QDPR: variants seen among roughly 807,000 people sequenced by gnomAD.
The protein encoded by QDPR is dihydropteridine reductase.
In QDPR, 23 loss-of-function variants were observed where a neutral mutation model predicts 31.7. The observed-to-expected ratio is 0.73, with a 90% CI of 0.52 to 1.03. The LOEUF (loss-of-function observed/expected upper bound fraction) is 1.03. Ranked by LOEUF, QDPR falls within the 50% of genes least tolerant of loss-of-function variation. QDPR has a pLI of 0.00. For synonymous variants in QDPR, 124 were observed against 124.7 expected, an observed-to-expected ratio of 0.99 and a Z score of 0.03; for missense variants, 324 against 323.8, an observed-to-expected ratio of 1.00 and a Z score of 0.00.
intron 3 of QDPR, among the ~76,000 whole-genome samples, chr4:17,502,535 A>C (rs1718608192): frequency 1.3e-5 from 2 of 152,284 alleles, no homozygotes; most frequent in Non-Finnish European, 2.9e-5. Flanking sequence ...TTCCCCACTA[A>C]AAAAGACTAG....
intron 4 of QDPR, among the ~76,000 whole-genome samples, chr4:17,494,682 A>G (rs1718289839): frequency 6.6e-6 from 1 of 152,158 alleles, no homozygotes; most frequent in South Asian, 2.1e-4. Context: ...AATCCTGGCC[A>G]TTATTGTCAT....
At chr4:17,491,505 G>A (rs994916307) in intron 5 of QDPR, among the ~76,000 whole-genome samples, 2 of 152,182 alleles carry the variant, frequency 1.3e-5, no homozygotes, top group Non-Finnish European at 2.9e-5. Flanking sequence ...GTCCCCCGAT[G>A]ACCAACAGAA....
In QDPR at chr4:17,512,087, GA is replaced by G. The variant is rs1188650955; in HGVS notation, c.-34del. 4 of 1,513,338 alleles carry G rather than the reference GA, an allele frequency of 2.6e-6. No homozygotes were observed. Among genetic ancestry groups the G allele is most frequent in the Non-Finnish European group, 3.5e-6 (4 of 1,132,520 alleles). 93.7% of individuals were successfully genotyped at this position (1,513,338 alleles called of 1,614,324 possible). A position where few individuals can be genotyped will look rare whatever the true frequency, so the allele number is the denominator to read the frequency against. On this transcript the variant is annotated 5_prime_UTR_variant, in exon 1 of 7. Transcript: ENST00000281243. ...CTGCCAGCCCGGCTCCCGCAGCTCC[GA>G]ATGCCTCGAGCCGGAGCGCCGCGCC... is the stretch of plus-strand genomic sequence containing the variant.
At position 17,503,137 on chromosome 4, in the gene QDPR, C is replaced by T. The variant is rs1008529575; in HGVS notation, c.295+1242G>A. On this transcript the variant is annotated intron_variant, in intron 3 of 6. Transcript: ENST00000281243. ...GGATAGAGGAACAAGTCAAACAACC[C>T]CTTAAAGAAAAGTTCAGACAAGTTC... Among the ~76,000 whole-genome samples, 58 of 152,238 alleles carry T rather than the reference C, an allele frequency of 3.8e-4. 1 individual carries two copies. Among genetic ancestry groups the T allele is most frequent in the African/African-American group, 1.3e-3 (56 of 41,530 alleles).
rs1717986013 is a variant in QDPR at position 17,487,110 on chromosome 4, T to A, written c.*21A>T. The stretch of plus-strand genomic sequence containing the variant: ...GTTAGTGACTTTTCTGGCAGGCCCC[T>A]CATAGGCACTGAGATGAGGCCTAAA... On this transcript the variant is annotated 3_prime_UTR_variant, in exon 7 of 7. Transcript: ENST00000281243. 1.3e-6 allele frequency: 2 copies of A among 1,596,502 alleles called. No individual in the cohort carries two copies. Among genetic ancestry groups the A allele is most frequent in the Middle Eastern group, 1.8e-4 (1 of 5,664 alleles).
intron 4 of QDPR, among the ~76,000 whole-genome samples, chr4:17,495,190 A>G (rs974502284): frequency 1.3e-5 from 2 of 152,152 alleles, no homozygotes; most frequent in African/African-American, 4.8e-5. Flanking sequence ...GGACTGTGGC[A>G]TGACGGGGAT....
Position 17,504,421 on chromosome 4 carries a change from A to C in QDPR, c.253T>G (p.Cys85Gly). 5 of 1,614,208 alleles carry C rather than the reference A, an allele frequency of 3.1e-6. No individual in the cohort carries two copies. Among genetic ancestry groups the C allele is most frequent in the African/African-American group, 1.3e-5 (1 of 75,052 alleles). ...LGEEKVDAILCVAGGWAGGNA... is the reference protein window; with the variant it reads ...LGEEKVDAILGVAGGWAGGNA... Reference sequence around the variant, plus strand: ...CCCCCGGCCCATCCTCCAGCAACGCAAAGAATTGCATCCACCTTCTCTTCA... The same window carrying C: ...CCCCCGGCCCATCCTCCAGCAACGCCAAGAATTGCATCCACCTTCTCTTCA... Residue 85 changes from cysteine (C) to glycine (G), a missense_variant, in exon 3 of 7, where the codon TGC (cysteine) becomes GGC (glycine). Cys to Gly is a radical substitution (Grantham distance 159, BLOSUM62 -3). Coordinates refer to ENST00000281243, the MANE Select transcript of QDPR (RefSeq NM_000320.3).
At position 17,486,512 on chromosome 4, in the gene QDPR, A is replaced by G. The variant is rs1452825054; in HGVS notation, c.*619T>C. On this transcript the variant is annotated 3_prime_UTR_variant, in exon 7 of 7. Transcript: ENST00000281243. Reference sequence around the variant, plus strand: ...TACTCATCTCTGACTGCTGTATATAAGATGTGATTTGATTAAAGAAGACAG... The same window carrying G: ...TACTCATCTCTGACTGCTGTATATAGGATGTGATTTGATTAAAGAAGACAG... 3.2e-5 allele frequency: 5 copies of G among 154,714 alleles called. No individual in the cohort carries two copies. The highest frequency in any genetic ancestry group is 1.2e-4 in the African/African-American group (5 of 41,454). The allele number at this position is 154,714 out of a possible 1,614,324, so 9.6% of individuals were successfully genotyped here.
intron 1 of QDPR, among the ~76,000 whole-genome samples, chr4:17,511,070 T>A (rs1245796325): frequency 1.3e-5 from 2 of 151,954 alleles, no homozygotes; most frequent in Admixed American, 6.6e-5. Flanking sequence ...CTATAAAAAT[T>A]AGATAGTTTT....
chr4:17,510,185 A>T (rs1718954959), intron 1 of QDPR, among the ~76,000 whole-genome samples: 1 of 152,228 alleles, frequency 6.6e-6, no homozygotes, highest in Non-Finnish European at 1.5e-5. Flanking sequence ...GACCAGATTC[A>T]GCTCACAAAG....
chr4:17,500,976 A>G (rs12644449), intron 4 of QDPR, among the ~76,000 whole-genome samples: 5,356 of 152,326 alleles, frequency 0.035, 127 homozygotes, highest in East Asian at 0.06. Context: ...TTTATTGTGA[A>G]TAACAGTAAG....
chr4:17,492,105 T>C (rs1271295367), intron 5 of QDPR, 127 bp downstream of exon 5: 1 of 682,570 alleles, frequency 1.5e-6, no homozygotes, highest in Non-Finnish European at 2.6e-6. Flanking sequence ...TTAAGAGACT[T>C]TGGTGTGTTT....
At chr4:17,506,924 AT>A (rs1560315506) in intron 2 of QDPR, among the ~76,000 whole-genome samples, 1 of 152,244 alleles carries the variant, frequency 6.6e-6, no homozygotes, top group African/African-American at 2.4e-5. Context: ...TATGTTCAAA[AT>A]GTATAGATTT....
chr4:17,500,270 T>A (rs1718515187), intron 4 of QDPR, among the ~76,000 whole-genome samples: 1 of 142,576 alleles, frequency 7.0e-6, no homozygotes, highest in Non-Finnish European at 1.6e-5. Context: ...CCCATTTTTT[T>A]AAAAGAAGAG....
chr4:17,501,918 C>T, intron 3 of QDPR, 59 bp from the exon 4 acceptor site: 1 of 1,609,600 alleles, frequency 6.2e-7, no homozygotes, highest in Non-Finnish European at 8.5e-7. Context: ...AAGGTGAGCT[C>T]AACTCATGCA....
intron 4 of QDPR, among the ~76,000 whole-genome samples, chr4:17,497,667 C>T (rs1206952718): frequency 1.3e-5 from 2 of 152,018 alleles, no homozygotes; most frequent in African/African-American, 4.8e-5. Flanking sequence ...TTTTTTTCCT[C>T]CATAATCAAG....
At chr4:17,504,884 AAAG>A (rs1430359252) in intron 2 of QDPR, among the ~76,000 whole-genome samples, 2 of 152,188 alleles carry the variant, frequency 1.3e-5, no homozygotes, top group African/African-American at 2.4e-5. Flanking sequence ...TATAATCCAA[AAAG>A]AAGATCAACC....
intron 4 of QDPR, among the ~76,000 whole-genome samples, chr4:17,500,550 A>T (rs1230658295): frequency 2.0e-5 from 3 of 152,230 alleles, no homozygotes; most frequent in African/African-American, 7.2e-5. Context: ...GGAAACGAGG[A>T]CAGACACACA....
intron 5 of QDPR, 122 bp from the exon 6 acceptor site, chr4:17,490,867 G>A (rs1434900887): frequency 9.7e-6 from 7 of 724,264 alleles, no homozygotes; most frequent in African/African-American, 7.0e-5. Flanking sequence ...CTGGCACTGA[G>A]GGTGCTATTT....
Sources: allele counts gnomAD v4.1 joint callset (sites outside exome capture counted in the v4.1 genomes callset), GRCh38; gene constraint gnomAD v4.1.1; transcripts MANE v1.5; gene names NCBI Gene and HGNC (gene_info 2026-07-23, HGNC 2026-07-21).